Variants in RBPJ observed in about 807,000 individuals in gnomAD.
The protein encoded by RBPJ is recombination signal binding protein for immunoglobulin kappa J region.
A neutral mutation model predicts 67.8 loss-of-function variants in RBPJ; 9 were observed. The observed-to-expected ratio is 0.13, with a 90% CI of 0.08 to 0.23. The LOEUF is 0.23. RBPJ is among the 10% of genes least tolerant of loss of function. The pLI, the probability that RBPJ is intolerant of heterozygous loss-of-function variation, is 1.00. For missense variants in RBPJ, 305 were observed against 595.6 expected (o/e 0.51, Z 5.08); for synonymous variants, 198 against 203.3 (o/e 0.97, Z 0.22).
At chr4:26,316,832 T>G (rs1577420581), upstream of RBPJ, among the ~76,000 whole-genome samples, 1 of 134,426 alleles carries the variant, frequency 7.4e-6, no homozygotes, top group African/African-American at 2.8e-5. Flanking sequence ...GACGACTTTT[T>G]TTTTTTTTTT....
chr4:26,265,845 T>C (rs1720687746), intron 1 of RBPJ, among the ~76,000 whole-genome samples: 1 of 152,102 alleles, frequency 6.6e-6, no homozygotes, highest in East Asian at 1.9e-4. Context: ...AAGACCAGCC[T>C]GGCCAACATG....
At chr4:26,389,342 C>T (rs1731258909) in intron 2 of RBPJ, among the ~76,000 whole-genome samples, 1 of 150,136 alleles carries the variant, frequency 6.7e-6, no homozygotes, top group Non-Finnish European at 1.5e-5. Flanking sequence ...ACAAATTATG[C>T]ACAGAGGAAC....
At chr4:26,270,381 GAAAGAA>G (rs1553855319) in intron 1 of RBPJ, among the ~76,000 whole-genome samples, 1 of 49,422 alleles carries the variant, frequency 2.0e-5, no homozygotes, top group African/African-American at 6.9e-5. Context: ...AAGAAAGAAA[GAAAGAA>G]AGAAAGAAAG....
chr4:26,393,795 T>G (rs1454677298), intron 2 of RBPJ, among the ~76,000 whole-genome samples: 1 of 152,066 alleles, frequency 6.6e-6, no homozygotes, highest in Non-Finnish European at 1.5e-5. Context: ...ATTTTTTCTC[T>G]CCATTGGGGT....
the RBPJ span, among the ~76,000 whole-genome samples, chr4:26,132,514 AG>A: frequency 6.6e-6 from 1 of 151,950 alleles, no homozygotes; most frequent in African/African-American, 2.4e-5. Context: ...TGTGGGTTTG[AG>A]GCTTCTGGGA....
At chr4:26,259,352 C>T (rs922277151) in intron 1 of RBPJ, among the ~76,000 whole-genome samples, 17 of 152,136 alleles carry the variant, frequency 1.1e-4, no homozygotes, top group Admixed American at 1.3e-4. Context: ...TATTCCTTGG[C>T]CCTCCAAAAA....
chr4:26,320,846 T>A (rs1053956085), upstream of RBPJ: 4 of 1,567,324 alleles, frequency 2.6e-6, no homozygotes, highest in African/African-American at 2.7e-5. Flanking sequence ...GCGAGCAGGA[T>A]CCCCTACTCT....
chr4:26,251,234 T>C (rs1380225789), intron 1 of RBPJ, among the ~76,000 whole-genome samples: 4 of 152,132 alleles, frequency 2.6e-5, no homozygotes, highest in Non-Finnish European at 4.4e-5. Flanking sequence ...CCTAATAAGT[T>C]TGCCAAAATT....
At chr4:26,214,610 GAATGAAAAAGAAAAA>G (rs1718570818) in intron 1 of RBPJ, among the ~76,000 whole-genome samples, 1 of 111,856 alleles carries the variant, frequency 8.9e-6, no homozygotes, top group African/African-American at 3.9e-5. Flanking sequence ...AACAGAGAGA[GAATGAAAAAGAAAAA>G]AGAGAAAGAA....
At chr4:26,371,741 T>C (rs1729180526) in intron 1 of RBPJ, among the ~76,000 whole-genome samples, 1 of 152,214 alleles carries the variant, frequency 6.6e-6, no homozygotes, top group Admixed American at 6.5e-5. Flanking sequence ...TTTGGTTTGC[T>C]GAGAAATCAA....
the RBPJ span, among the ~76,000 whole-genome samples, chr4:26,131,862 T>C: frequency 6.6e-6 from 1 of 152,296 alleles, no homozygotes; most frequent in East Asian, 1.9e-4. Context: ...AGGAAACCAA[T>C]AGATCCCACC....
At chr4:26,267,238 A>C (rs934332730) in intron 1 of RBPJ, among the ~76,000 whole-genome samples, 2 of 152,170 alleles carry the variant, frequency 1.3e-5, no homozygotes, top group East Asian at 3.9e-4. Context: ...AGAGTCTTAG[A>C]GTCTGGAGGG....
chr4:26,236,870 A>G (rs1040104004), intron 1 of RBPJ, among the ~76,000 whole-genome samples: 10 of 152,162 alleles, frequency 6.6e-5, no homozygotes, highest in African/African-American at 2.2e-4. Context: ...CAATGGCCCT[A>G]AAGTGCTCAA....
upstream of RBPJ, among the ~76,000 whole-genome samples, chr4:26,159,115 C>T (rs561289272): frequency 2.8e-4 from 42 of 152,206 alleles, no homozygotes; most frequent in South Asian, 7.7e-3. Flanking sequence ...GACTGTGAGA[C>T]CCTGATGGGA....
At chr4:26,244,195 GTGTC>G (rs1719760440) in intron 1 of RBPJ, among the ~76,000 whole-genome samples, 1 of 140,996 alleles carries the variant, frequency 7.1e-6, no homozygotes, top group African/African-American at 2.6e-5. Flanking sequence ...ATACATATAT[GTGTC>G]TATATATGTA....
chr4:26,222,983 G>A (rs967646603), intron 1 of RBPJ, among the ~76,000 whole-genome samples: 4 of 151,642 alleles, frequency 2.6e-5, no homozygotes, highest in Admixed American at 6.6e-5. Flanking sequence ...GTGAAACCCC[G>A]TCTCTACTAA....
intron 1 of RBPJ, among the ~76,000 whole-genome samples, chr4:26,175,980 C>T (rs1716782507): frequency 6.6e-6 from 1 of 152,160 alleles, no homozygotes; most frequent in East Asian, 1.9e-4. Context: ...AATCACTGAG[C>T]CCCTGGGCAG....
intron 1 of RBPJ, among the ~76,000 whole-genome samples, chr4:26,311,910 AAC>A (rs1159458932): frequency 6.6e-6 from 1 of 152,130 alleles, no homozygotes; most frequent in East Asian, 1.9e-4. Context: ...CAGCCTGAGC[AAC>A]AGAGCAAGAT....
intron 1 of RBPJ, among the ~76,000 whole-genome samples, chr4:26,270,050 G>A (rs1323912456): frequency 3.3e-5 from 5 of 151,974 alleles, no homozygotes; most frequent in African/African-American, 1.2e-4. Context: ...GGGAGGCTGA[G>A]GCAGGCGGAT....
Sources: gnomAD v4.1 joint callset for allele counts (sites outside exome capture counted in the v4.1 genomes callset) on GRCh38, gnomAD v4.1.1 for gene constraint, MANE v1.5 for transcripts, NCBI Gene and HGNC (gene_info 2026-07-23, HGNC 2026-07-21) for gene names.